ADGRV1: variants seen among roughly 807,000 people sequenced by gnomAD.
ADGRV1 encodes the protein G-protein coupled receptor 98.
Under a neutral mutation model 596.2 loss-of-function variants are expected in ADGRV1, and 359 were observed. That is an observed-to-expected ratio of 0.60 (90% CI 0.55 to 0.66). ADGRV1 has a LOEUF of 0.66. Ranked by LOEUF, ADGRV1 falls within the 30% of genes least tolerant of loss-of-function variation. ADGRV1 has a pLI of 0.00. For missense variants in ADGRV1, 7,274 were observed against 7,575.6 expected (o/e 0.96, Z 1.48); for synonymous variants, 2,681 against 2,679.2 (o/e 1.00, Z -0.02).
At chr5:90,584,120 C>G (rs1758428345) in intron 1 of ADGRV1, among the ~76,000 whole-genome samples, 1 of 152,076 alleles carries the variant, frequency 6.6e-6, no homozygotes, top group Non-Finnish European at 1.5e-5. Context: ...CTATATTATA[C>G]AATATTTTAG....
intron 89 of ADGRV1, among the ~76,000 whole-genome samples, chr5:91,158,089 T>G (rs745476153): frequency 2.0e-5 from 3 of 152,212 alleles, no homozygotes; most frequent in Non-Finnish European, 1.5e-5. Flanking sequence ...AATCCTACAT[T>G]GCAAAGATTT....
At chr5:91,036,445 C>A (rs1365482764) in intron 85 of ADGRV1, among the ~76,000 whole-genome samples, 4 of 151,992 alleles carry the variant, frequency 2.6e-5, no homozygotes, top group African/African-American at 9.7e-5. Context: ...ACCTGTAGTC[C>A]CAGCTACTTG....
intron 1 of ADGRV1, among the ~76,000 whole-genome samples, chr5:90,604,032 G>A (rs766774120): frequency 1.3e-5 from 2 of 151,624 alleles, no homozygotes; most frequent in Non-Finnish European, 2.9e-5. Flanking sequence ...CATTAGGAGG[G>A]TATAGGAGAG....
intron 1 of ADGRV1, among the ~76,000 whole-genome samples, chr5:90,564,740 C>G (rs1412361397): frequency 1.1e-5 from 1 of 87,720 alleles, no homozygotes; most frequent in Admixed American, 9.3e-5. Flanking sequence ...CATTCTCCTG[C>G]CTCAGCCTCC....
intron 85 of ADGRV1, among the ~76,000 whole-genome samples, chr5:91,014,840 A>T (rs112986515): frequency 4.8e-4 from 33 of 68,342 alleles, no homozygotes; most frequent in Admixed American, 1.1e-3. Flanking sequence ...CAAAAAACCA[A>T]CTCCATCTTT....
rs199715642 is a variant in ADGRV1, at chr5:90,728,849, G to A, written c.10342G>A (p.Val3448Met). 75 of 1,613,724 alleles carry A rather than the reference G, an allele frequency of 4.6e-5. No individual in the cohort carries two copies. Among genetic ancestry groups the A allele is most frequent in the Admixed American group, 3.8e-4 (23 of 60,022 alleles). ...CAGTGGGTTTATTAACTTTCAAGAG[G>A]TGCCTGTCAGTGGGACAACAGAAGT... ...SGSGFINFQE[V>M]PVSGTTEVEA... The change falls in exon 49 of 90, where the codon GTG (valine) becomes ATG (methionine). Residue 3448 changes from valine (V) to methionine (M), a missense_variant. Coordinates refer to ENST00000405460, the MANE Select transcript of ADGRV1 (RefSeq NM_032119.4).
chr5:90,934,303 G>A (rs1460166179), intron 83 of ADGRV1, among the ~76,000 whole-genome samples: 1 of 151,962 alleles, frequency 6.6e-6, no homozygotes. Context: ...CCTGGGCGGT[G>A]AATGCTGCTC....
At position 90,697,030 on chromosome 5, in the gene ADGRV1, G is replaced by A; in HGVS notation, c.8039G>A (p.Gly2680Asp). ...ATAGTTAGTTTGGTGTACACTGAAG[G>A]TGGAAGTAGAATTTTGCCAAGCTCC... ...SIIVSLVYTE[G>D]GSRILPSSDT... The change falls in exon 34 of 90, where the codon GGT becomes GAT. Residue 2680 changes from glycine to aspartate, a missense_variant. Transcript: ENST00000405460. 6.2e-7 allele frequency: 1 copy of A among 1,613,318 alleles called. No homozygotes were observed. Among genetic ancestry groups the A allele is most frequent in the South Asian group, 1.1e-5 (1 of 91,066 alleles).
intron 43 of ADGRV1, chr5:90,717,964 A>T (rs1203257148): frequency 6.6e-6 from 1 of 152,052 alleles, no homozygotes; most frequent in African/African-American, 2.4e-5. Context: ...GATTATTTTG[A>T]CTCATTTTTT....
chr5:90,707,174 A>G (rs1319163805), intron 38 of ADGRV1, among the ~76,000 whole-genome samples: 1 of 152,182 alleles, frequency 6.6e-6, no homozygotes, highest in East Asian at 1.9e-4. Flanking sequence ...CATTAAGCTT[A>G]GCATAATCAT....
chr5:90,586,190 G>A (rs1758733977), intron 1 of ADGRV1, among the ~76,000 whole-genome samples: 1 of 152,144 alleles, frequency 6.6e-6, no homozygotes, highest in African/African-American at 2.4e-5. Context: ...CTTAGAATTA[G>A]CAATTATCAA....
intron 65 of ADGRV1, among the ~76,000 whole-genome samples, chr5:90,782,677 A>T (rs1758977218): frequency 6.6e-6 from 1 of 152,298 alleles, no homozygotes; most frequent in East Asian, 1.9e-4. Flanking sequence ...ACTTTTAAAA[A>T]TTCATATGAT....
chr5:90,654,082 A>C, intron 20 of ADGRV1, 130 bp downstream of exon 20: 1 of 915,200 alleles, frequency 1.1e-6, no homozygotes, highest in Non-Finnish European at 1.7e-6. Context: ...TAATTTCTTT[A>C]ATCAAAACTA....
At chr5:91,019,087 G>A (rs1783414704) in intron 85 of ADGRV1, among the ~76,000 whole-genome samples, 1 of 151,912 alleles carries the variant, frequency 6.6e-6, no homozygotes, top group Admixed American at 6.6e-5. Context: ...CCTGTTGGCT[G>A]CATGGATTCA....
Position 90,853,501 on chromosome 5 carries a change from A to T in ADGRV1, c.17422A>T (p.Ser5808Cys). The T allele has an allele frequency of 3.1e-6, 5 of 1,612,506 alleles. No individual in the cohort carries two copies. Among genetic ancestry groups the T allele is most frequent in the African/African-American group, 1.3e-5 (1 of 75,016 alleles). ...TEYSSQQWFI[S>C]GNNLPTLKNK... ...GTATAGCAGCCAACAGTGGTTTATA[A>T]GTGGAAACAATCTTCCTACCCTAAA... Residue 5808 changes from serine (S) to cysteine (C), a missense_variant, in exon 80 of 90, where the codon AGT becomes TGT. Ser to Cys is a moderately radical substitution (Grantham distance 112, BLOSUM62 -1). This residue lies in a region of ADGRV1 where 1,874 missense variants were observed against 1,970.2 expected (regional missense o/e 0.95). Coordinates refer to ENST00000405460, the MANE Select transcript of ADGRV1 (RefSeq NM_032119.4).
intron 50 of ADGRV1, among the ~76,000 whole-genome samples, chr5:90,731,957 T>C (rs1752606757): frequency 6.6e-6 from 1 of 152,198 alleles, no homozygotes; most frequent in Non-Finnish European, 1.5e-5. Context: ...GAAAATCTCT[T>C]TAATGTCTGG....
At chr5:91,062,643 T>TA (rs770639592) in intron 85 of ADGRV1, among the ~76,000 whole-genome samples, 20 of 152,336 alleles carry the variant, frequency 1.3e-4, no homozygotes, top group Middle Eastern at 6.8e-3. Context: ...ATCTGCGGTA[T>TA]CCTCTGTCAC....
chr5:90,847,806 C>A (rs1766060293), intron 78 of ADGRV1, among the ~76,000 whole-genome samples: 1 of 152,238 alleles, frequency 6.6e-6, no homozygotes, highest in African/African-American at 2.4e-5. Context: ...GGAACTCGCG[C>A]TGGCCCTGGT....
At chr5:90,821,055 A>G (rs10474332) in intron 75 of ADGRV1, among the ~76,000 whole-genome samples, 51,740 of 151,748 alleles carry the variant, frequency 0.34, 9,792 homozygotes, top group Non-Finnish European at 0.45. Context: ...AGGTACACCA[A>G]TCAGACGTAG....
Sources: gnomAD v4.1 joint callset for allele counts (sites outside exome capture counted in the v4.1 genomes callset) on GRCh38, gnomAD v4.1.1 for gene constraint, gnomAD v4.1.1 regional missense constraint, MANE v1.5 for transcripts, NCBI Gene and HGNC (gene_info 2026-07-23, HGNC 2026-07-21) for gene names.